Variants in PGCKA1 observed in about 807,000 individuals in gnomAD.
PGCKA1 encodes the protein PDCD10 and GCKIII kinases-associated protein 1.
chr4:37,467,319 CAG>C, the PGCKA1 span, among the ~76,000 whole-genome samples: 61 of 152,218 alleles, frequency 4.0e-4, no homozygotes, highest in Non-Finnish European at 7.9e-4. Context: ...AAACAAATAA[CAG>C]TGAAGATTAT....
the PGCKA1 span, among the ~76,000 whole-genome samples, chr4:37,473,649 A>G: frequency 6.6e-6 from 1 of 152,204 alleles, no homozygotes; most frequent in African/African-American, 2.4e-5. Flanking sequence ...TGAGGGTTGT[A>G]GGGGACACCC....
the PGCKA1 span, chr4:37,591,191 T>C: frequency 1.9e-6 from 1 of 535,624 alleles, no homozygotes; most frequent in Non-Finnish European, 3.3e-6. Flanking sequence ...AGTTTCACTC[T>C]GTGTAGATGA....
At chr4:37,576,857 C>T in the PGCKA1 span, among the ~76,000 whole-genome samples, 1 of 152,114 alleles carries the variant, frequency 6.6e-6, no homozygotes, top group Non-Finnish European at 1.5e-5. Context: ...GCTCTTCATT[C>T]TGTTGATATG....
chr4:37,455,016 T>C, the PGCKA1 span, among the ~76,000 whole-genome samples: 1 of 152,176 alleles, frequency 6.6e-6, no homozygotes. Flanking sequence ...TGGGAAAGAA[T>C]TACGGATGGT....
chr4:37,591,099 C>G, the PGCKA1 span: 3 of 982,536 alleles, frequency 3.1e-6, no homozygotes, highest in African/African-American at 4.9e-5. Context: ...CAGCATGCAC[C>G]AGTGCAGCCT....
At chr4:37,572,422 A>G in the PGCKA1 span, among the ~76,000 whole-genome samples, 1 of 152,232 alleles carries the variant, frequency 6.6e-6, no homozygotes, top group African/African-American at 2.4e-5. Flanking sequence ...AAAAGTTGCA[A>G]GAAAAATGCA....
the PGCKA1 span, among the ~76,000 whole-genome samples, chr4:37,496,320 T>C: frequency 2.0e-5 from 3 of 152,352 alleles, no homozygotes; most frequent in Middle Eastern, 3.4e-3. Flanking sequence ...TTTCTGCATA[T>C]GGCAAGCCAG....
the PGCKA1 span, among the ~76,000 whole-genome samples, chr4:37,560,908 G>A: frequency 0.5 from 75,914 of 151,698 alleles, 19,539 homozygotes; most frequent in East Asian, 0.67. Flanking sequence ...CACCTGCTAC[G>A]AAACCATCCT....
At chr4:37,455,501 T>C in the PGCKA1 span, among the ~76,000 whole-genome samples, 4 of 152,188 alleles carry the variant, frequency 2.6e-5, no homozygotes, top group Admixed American at 6.5e-5. Flanking sequence ...GCCCATTCTG[T>C]GTCTATCCTC....
chr4:37,510,150 A>T, the PGCKA1 span, among the ~76,000 whole-genome samples: 8 of 152,038 alleles, frequency 5.3e-5, no homozygotes, highest in Non-Finnish European at 5.9e-5. Context: ...GTTTCCTTAA[A>T]ACAGCTATTT....
the PGCKA1 span, among the ~76,000 whole-genome samples, chr4:37,511,167 G>T: frequency 6.6e-6 from 1 of 152,068 alleles, no homozygotes; most frequent in Non-Finnish European, 1.5e-5. Flanking sequence ...CTGGAATCAG[G>T]GGCCCTAAGA....
At chr4:37,562,328 T>G in the PGCKA1 span, among the ~76,000 whole-genome samples, 1 of 152,164 alleles carries the variant, frequency 6.6e-6, no homozygotes, top group African/African-American at 2.4e-5. Context: ...AGAAGGAATA[T>G]GTACATTTGA....
At chr4:37,499,565 T>G in the PGCKA1 span, among the ~76,000 whole-genome samples, 1 of 152,170 alleles carries the variant, frequency 6.6e-6, no homozygotes, top group African/African-American at 2.4e-5. Flanking sequence ...TCAATTTCTT[T>G]TAGATTTTCT....
At chr4:37,529,199 A>C in the PGCKA1 span, among the ~76,000 whole-genome samples, 3 of 152,204 alleles carry the variant, frequency 2.0e-5, no homozygotes, top group Non-Finnish European at 4.4e-5. Context: ...TTATGCCTTA[A>C]AATGTTTCTA....
the PGCKA1 span, among the ~76,000 whole-genome samples, chr4:37,454,554 G>A: frequency 6.6e-6 from 1 of 152,200 alleles, no homozygotes; most frequent in South Asian, 2.1e-4. Context: ...GGGTGCTGGC[G>A]GCCTGGGCAG....
chr4:37,557,550 G>A, the PGCKA1 span, among the ~76,000 whole-genome samples: 67,146 of 151,950 alleles, frequency 0.44, 15,153 homozygotes, highest in African/African-American at 0.52. Context: ...CAGATGGGGC[G>A]AGGCAGCTCT....
the PGCKA1 span, among the ~76,000 whole-genome samples, chr4:37,545,930 A>G: frequency 6.6e-6 from 1 of 152,234 alleles, no homozygotes; most frequent in Non-Finnish European, 1.5e-5. Context: ...GTACATATTT[A>G]CAGAAGTCCT....
At chr4:37,480,143 A>C in the PGCKA1 span, among the ~76,000 whole-genome samples, 1 of 152,244 alleles carries the variant, frequency 6.6e-6, no homozygotes, top group Non-Finnish European at 1.5e-5. Context: ...TAAGAGTTAA[A>C]GAGGAAGGAA....
chr4:37,518,295 G>A, the PGCKA1 span, among the ~76,000 whole-genome samples: 3 of 152,164 alleles, frequency 2.0e-5, no homozygotes, highest in Non-Finnish European at 4.4e-5. Flanking sequence ...CCAGCAGTGG[G>A]ATTGCTAGAT....
Sources: allele counts gnomAD v4.1 joint callset (sites outside exome capture counted in the v4.1 genomes callset), GRCh38; gene constraint gnomAD v4.1.1; transcripts MANE v1.5; gene names NCBI Gene and HGNC (gene_info 2026-07-23, HGNC 2026-07-21).